Variants in DZANK1 observed in about 807,000 individuals in gnomAD.
DZANK1 encodes the protein double zinc ribbon and ankyrin repeat domains 1.
Under a neutral mutation model 94.5 loss-of-function variants are expected in DZANK1, and 91 were observed. The ratio of observed to expected loss-of-function variants is 0.96; its 90% CI spans 0.81 to 1.15. DZANK1 has a LOEUF of 1.15. Ranked by LOEUF, DZANK1 falls within the 50% of genes most tolerant of loss-of-function variation. The probability of loss-of-function intolerance (pLI) is 0.00; values close to 1 mark genes in which losing one functional copy is unlikely to be tolerated. For missense variants in DZANK1, 903 were observed against 916.4 expected (o/e 0.99, Z 0.19); for synonymous variants, 312 against 325.3 (o/e 0.96, Z 0.44).
chr20:18,447,190 A>C (rs1421228666), intron 7 of DZANK1, among the ~76,000 whole-genome samples: 1 of 152,154 alleles, frequency 6.6e-6, no homozygotes, highest in Non-Finnish European at 1.5e-5. Flanking sequence ...AATTTCCTCA[A>C]CTTGGCTGGG....
intron 3 of DZANK1, among the ~76,000 whole-genome samples, chr20:18,459,834 G>A (rs1216019328): frequency 1.3e-5 from 2 of 152,136 alleles, no homozygotes; most frequent in Non-Finnish European, 2.9e-5. Context: ...TTTCTTCAGA[G>A]CAAGATGGAG....
intron 3 of DZANK1, 107 bp downstream of exon 3, chr20:18,460,046 T>C: frequency 1.2e-6 from 1 of 813,744 alleles, no homozygotes. Flanking sequence ...AATGTTTCAG[T>C]AGTGTCCTTC....
At chr20:18,398,232 C>T in intron 14 of DZANK1, 1 of 398,018 alleles carries the variant, frequency 2.5e-6, no homozygotes, top group Non-Finnish European at 4.7e-6. Flanking sequence ...TTAAATTGTT[C>T]TGGGACCTTT....
intron 3 of DZANK1, among the ~76,000 whole-genome samples, chr20:18,459,222 A>C (rs982497282): frequency 2.0e-5 from 3 of 152,232 alleles, no homozygotes; most frequent in African/African-American, 7.2e-5. Flanking sequence ...AAGTGTGACA[A>C]CATTTTATAA....
chr20:18,429,392 A>C (rs1306191345), intron 9 of DZANK1, among the ~76,000 whole-genome samples: 3 of 152,102 alleles, frequency 2.0e-5, no homozygotes, highest in South Asian at 4.2e-4. Context: ...CTGCCTTACA[A>C]AACCCTGTTT....
intron 8 of DZANK1, 133 bp from the exon 9 acceptor site, chr20:18,433,898 C>T (rs910557589): frequency 1.4e-6 from 1 of 739,258 alleles, no homozygotes; most frequent in African/African-American, 1.8e-5. Flanking sequence ...AAAACCTAGG[C>T]AGGTCGGGCT....
intron 8 of DZANK1, among the ~76,000 whole-genome samples, chr20:18,436,546 T>C (rs2058533531): frequency 6.6e-6 from 1 of 151,112 alleles, no homozygotes; most frequent in African/African-American, 2.4e-5. Flanking sequence ...AATTATCTAA[T>C]CTGAAGAACA....
At chr20:18,419,164 A>G (rs1332162946) in intron 10 of DZANK1, among the ~76,000 whole-genome samples, 1 of 151,422 alleles carries the variant, frequency 6.6e-6, no homozygotes, top group African/African-American at 2.4e-5. Flanking sequence ...CGGGAGGGTG[A>G]GGCAGGAGAA....
rs750548352 is a variant in DZANK1, at chr20:18,389,843, A to G, written c.1891-15T>C. On this transcript the variant is annotated splice_polypyrimidine_tract_variant and intron_variant, in intron 18 of 20. Transcript: ENST00000262547. ...GGGTCTGCTCCCTGCAGCAAACGGA[A>G]AAGGACAAACTCTCCAAAACACCCT... 11 of 1,613,520 alleles carry G rather than the reference A, an allele frequency of 6.8e-6. No homozygotes were observed. Among genetic ancestry groups the G allele is most frequent in the Non-Finnish European group, 9.3e-6 (11 of 1,179,646 alleles).
chr20:18,400,944 C>CT (rs1035938337), intron 13 of DZANK1, among the ~76,000 whole-genome samples: 3 of 148,526 alleles, frequency 2.0e-5, no homozygotes, highest in Non-Finnish European at 3.0e-5. Flanking sequence ...ATCTATACTT[C>CT]TTTTTTTTTT....
intron 2 of DZANK1, among the ~76,000 whole-genome samples, chr20:18,462,724 G>A (rs78357266): frequency 0.1 from 15,618 of 152,024 alleles, 1,007 homozygotes; most frequent in East Asian, 0.27. Flanking sequence ...GGCCGGGCGC[G>A]GTGGTTCACA....
intron 10 of DZANK1, among the ~76,000 whole-genome samples, chr20:18,423,031 T>C (rs566220712): frequency 1.5e-4 from 23 of 152,170 alleles, no homozygotes; most frequent in Non-Finnish European, 2.8e-4. Flanking sequence ...GACATAATGA[T>C]ATTTTGGTCA....
At chr20:18,412,835 A>G (rs761317352) in exon 13 of DZANK1, 2 of 1,613,970 alleles carry the variant, frequency 1.2e-6, no homozygotes, top group Admixed American at 1.7e-5. Context: ...ATATTCAGGG[A>G]CTGCCAGGCA....
At chr20:18,427,356 TC>T (rs1185145938) in intron 9 of DZANK1, among the ~76,000 whole-genome samples, 197 bp from the exon 10 acceptor site, 1 of 151,926 alleles carries the variant, frequency 6.6e-6, no homozygotes, top group Non-Finnish European at 1.5e-5. Flanking sequence ...TTTTTTTTTT[TC>T]CATTTGTTTT....
chr20:18,412,946 A>G, intron 12 of DZANK1, 93 bp from the exon 13 acceptor site: 7 of 1,178,068 alleles, frequency 5.9e-6, no homozygotes, highest in Non-Finnish European at 8.3e-6. Flanking sequence ...TCAGAATAAA[A>G]AGTATCTCAA....
intron 8 of DZANK1, among the ~76,000 whole-genome samples, chr20:18,439,212 CT>C (rs2058640175): frequency 1.3e-5 from 2 of 152,130 alleles, no homozygotes; most frequent in Admixed American, 1.3e-4. Flanking sequence ...TGGGCATTTC[CT>C]TTTCCCCACT....
At chr20:18,466,168 C>T (rs1196208833) in intron 1 of DZANK1, among the ~76,000 whole-genome samples, 2 of 152,190 alleles carry the variant, frequency 1.3e-5, no homozygotes, top group African/African-American at 4.8e-5. Context: ...CTCTGTATTG[C>T]CTTTTCAAAT....
intron 19 of DZANK1, among the ~76,000 whole-genome samples, chr20:18,388,429 C>T (rs1193605961): frequency 6.6e-6 from 1 of 152,226 alleles, no homozygotes; most frequent in African/African-American, 2.4e-5. Context: ...AGGGCACTTT[C>T]CTCCTCTTAG....
chr20:18,400,943 T>TC (rs1158457779), intron 13 of DZANK1, among the ~76,000 whole-genome samples: 4 of 152,110 alleles, frequency 2.6e-5, no homozygotes, highest in East Asian at 1.9e-4. Context: ...GATCTATACT[T>TC]CTTTTTTTTT....
Sources: allele counts gnomAD v4.1 joint callset (sites outside exome capture counted in the v4.1 genomes callset), GRCh38; gene constraint gnomAD v4.1.1; transcripts MANE v1.5; gene names NCBI Gene and HGNC (gene_info 2026-07-23, HGNC 2026-07-21).